Variants in BMPR1A observed in about 807,000 individuals in gnomAD.
BMPR1A encodes bone morphogenetic protein receptor type 1A.
A neutral mutation model predicts 66.0 loss-of-function variants in BMPR1A; 7 were observed. That is an observed-to-expected ratio of 0.11 (90% CI 0.06 to 0.20). The LOEUF (loss-of-function observed/expected upper bound fraction) is 0.20, where lower values mean the gene tolerates loss of function less well. Among genes scored for constraint, BMPR1A ranks in the 10% least tolerant of loss-of-function variants. The pLI, the probability that BMPR1A is intolerant of heterozygous loss-of-function variation, is 1.00. For missense variants in BMPR1A, 408 were observed against 669.1 expected (o/e 0.61, Z 4.31); for synonymous variants, 200 against 229.7 (o/e 0.87, Z 1.17).
intron 1 of BMPR1A, among the ~76,000 whole-genome samples, chr10:86,833,212 T>G (rs1842297604): frequency 6.6e-6 from 1 of 152,354 alleles, no homozygotes; most frequent in Non-Finnish European, 1.5e-5. Context: ...CTCCAGATGC[T>G]CGACACTTGG....
chr10:86,875,560 T>C (rs1025866126), intron 2 of BMPR1A, among the ~76,000 whole-genome samples: 1 of 152,154 alleles, frequency 6.6e-6, no homozygotes, highest in African/African-American at 2.4e-5. Context: ...CTTAATATAG[T>C]TGGGAATTTT....
intron 1 of BMPR1A, among the ~76,000 whole-genome samples, chr10:86,808,964 T>C (rs1482677823): frequency 1.3e-5 from 2 of 152,176 alleles, no homozygotes; most frequent in African/African-American, 4.8e-5. Context: ...AGTATTTGAA[T>C]TGTAAATTAT....
chr10:86,891,632 C>T (rs1330600046), intron 4 of BMPR1A, among the ~76,000 whole-genome samples: 1 of 152,146 alleles, frequency 6.6e-6, no homozygotes, highest in Non-Finnish European at 1.5e-5. Context: ...GTTTTCCCAT[C>T]ATATTCAGTA....
At chr10:86,870,999 T>C (rs1399729912) in intron 2 of BMPR1A, among the ~76,000 whole-genome samples, 2 of 152,310 alleles carry the variant, frequency 1.3e-5, no homozygotes, top group Admixed American at 6.5e-5. Context: ...CTTCTCTGCC[T>C]CTTCACCCTC....
chr10:86,877,474 T>A (rs942914381), intron 3 of BMPR1A, among the ~76,000 whole-genome samples: 1 of 152,244 alleles, frequency 6.6e-6, no homozygotes, highest in Non-Finnish European at 1.5e-5. Flanking sequence ...CCCAAAGTGC[T>A]GGCATTACAG....
intron 1 of BMPR1A, among the ~76,000 whole-genome samples, chr10:86,797,378 C>T (rs1242152836): frequency 6.6e-6 from 1 of 151,788 alleles, no homozygotes; most frequent in African/African-American, 2.4e-5. Flanking sequence ...TTACAGGCGC[C>T]CACCACTATG....
rs111332047 is a variant in BMPR1A, at chr10:86,810,398, C to T, written c.-267-28467C>T. 6.6e-5 allele frequency among the ~76,000 whole-genome samples: 10 copies of T among 152,242 alleles called. 1 individual carries two copies. Among genetic ancestry groups the T allele is most frequent in the African/African-American group, 1.9e-4 (8 of 41,540 alleles). ...TAATGCTGCTATGAGCATATTTGTA[C>T]AGGTTTTTGTGTGGAAATATGTTTT... On this transcript the variant is annotated intron_variant, in intron 1 of 12. Coordinates refer to ENST00000372037, the MANE Select transcript of BMPR1A (RefSeq NM_004329.3).
intron 2 of BMPR1A, among the ~76,000 whole-genome samples, chr10:86,864,257 G>T (rs1232304470): frequency 1.3e-5 from 2 of 152,116 alleles, no homozygotes; most frequent in South Asian, 2.1e-4. Flanking sequence ...TTGCAAATGG[G>T]ACCGAAGAGC....
At chr10:86,898,665 A>C (rs1444407125) in intron 5 of BMPR1A, among the ~76,000 whole-genome samples, 1 of 152,198 alleles carries the variant, frequency 6.6e-6, no homozygotes, top group Non-Finnish European at 1.5e-5. Flanking sequence ...ATGCTGCCAA[A>C]GAAACCCTTT....
intron 9 of BMPR1A, among the ~76,000 whole-genome samples, chr10:86,917,627 G>C (rs1030797785): frequency 3.3e-5 from 5 of 152,188 alleles, no homozygotes; most frequent in African/African-American, 1.2e-4. Flanking sequence ...GTGATTTAGG[G>C]TAACATTAAC....
chr10:86,795,416 G>T (rs1318446882), intron 1 of BMPR1A, among the ~76,000 whole-genome samples: 78 of 149,712 alleles, frequency 5.2e-4, no homozygotes, highest in Admixed American at 3.7e-3. Flanking sequence ...AAAGTGATTT[G>T]TTTTTTTTTT....
intron 2 of BMPR1A, among the ~76,000 whole-genome samples, chr10:86,866,399 C>CTTTTTTTTTTTTTTTTT (rs1048293127): frequency 4.3e-5 from 3 of 69,476 alleles, no homozygotes; most frequent in Non-Finnish European, 8.6e-5. Context: ...AAGTTTCTTT[C>CTTTTTTTTTTTTTTTTT]TTTTTTTTTT....
chr10:86,903,215 A>G (rs1214776672), intron 7 of BMPR1A, among the ~76,000 whole-genome samples: 1 of 152,224 alleles, frequency 6.6e-6, no homozygotes, highest in African/African-American at 2.4e-5. Flanking sequence ...TAATGAGGGA[A>G]GAAATGAAGC....
In BMPR1A at chr10:86,805,897, G is replaced by GTT. The variant is rs77099282; in HGVS notation, c.-267-32953_-267-32952dup. On this transcript the variant is annotated intron_variant, in intron 1 of 12. Coordinates refer to ENST00000372037, the MANE Select transcript of BMPR1A (RefSeq NM_004329.3). ...TTTTGTCAGTTGGCCCAACTGAGGTGTTTTTTTTTTTTTTTTAAAGCATTT... is the reference window on the plus strand; with the variant it reads ...TTTTGTCAGTTGGCCCAACTGAGGTGTTTTTTTTTTTTTTTTTTAAAGCATTT... 4.5e-5 allele frequency among the ~76,000 whole-genome samples: 6 copies of GTT among 132,444 alleles called. No individual in the cohort carries two copies. The East Asian group carries it at 8.8e-4, about 19-fold the overall frequency. The allele number at this position is 132,444 out of a possible 152,430, so 86.9% of individuals were successfully genotyped here.
At chr10:86,862,765 C>T (rs961778203) in intron 2 of BMPR1A, among the ~76,000 whole-genome samples, 1 of 151,200 alleles carries the variant, frequency 6.6e-6, no homozygotes, top group African/African-American at 2.4e-5. Flanking sequence ...GGCCTGGTTA[C>T]ATCAGTGTAG....
chr10:86,777,502 G>A (rs1841369940), intron 1 of BMPR1A, among the ~76,000 whole-genome samples: 1 of 152,018 alleles, frequency 6.6e-6, no homozygotes, highest in Non-Finnish European at 1.5e-5. Context: ...GATCACTTGA[G>A]CCTGATGAGG....
chr10:86,816,717 C>T (rs1254943421), intron 1 of BMPR1A, among the ~76,000 whole-genome samples: 1 of 152,196 alleles, frequency 6.6e-6, no homozygotes, highest in Non-Finnish European at 1.5e-5. Flanking sequence ...AAGAGATCAA[C>T]AGAGCCCGAT....
intron 5 of BMPR1A, among the ~76,000 whole-genome samples, chr10:86,895,390 TAGTC>T (rs778629109): frequency 1.1e-4 from 16 of 152,050 alleles, no homozygotes; most frequent in East Asian, 5.9e-4. Flanking sequence ...ATACAAAACT[TAGTC>T]AGGCGTGGTG....
chr10:86,792,920 C>T (rs1841648842), intron 1 of BMPR1A, among the ~76,000 whole-genome samples: 1 of 151,954 alleles, frequency 6.6e-6, no homozygotes, highest in Non-Finnish European at 1.5e-5. Context: ...ATAATAGCAC[C>T]TATATCAAGG....
Sources: gnomAD v4.1 joint callset for allele counts (sites outside exome capture counted in the v4.1 genomes callset) on GRCh38, gnomAD v4.1.1 for gene constraint, MANE v1.5 for transcripts, NCBI Gene and HGNC (gene_info 2026-07-23, HGNC 2026-07-21) for gene names.